EPB41L3: variants seen among roughly 807,000 people sequenced by gnomAD.
The protein encoded by EPB41L3 is band 4.1-like protein 3.
EPB41L3 carries 57 observed loss-of-function variants against 127.1 expected under a neutral mutation model. The ratio of observed to expected loss-of-function variants is 0.45; its 90% CI spans 0.36 to 0.56. The LOEUF (loss-of-function observed/expected upper bound fraction) is 0.56, where lower values mean the gene tolerates loss of function less well. EPB41L3 is among the 20% of genes least tolerant of loss of function. EPB41L3 has a pLI of 0.00. For missense variants in EPB41L3, 1,273 were observed against 1,372.2 expected, an observed-to-expected ratio of 0.93 and a Z score of 1.14; for synonymous variants, 572 against 549.5, an observed-to-expected ratio of 1.04 and a Z score of -0.57.
chr18:5,443,533 T>A (rs2081075682), intron 5 of EPB41L3, among the ~76,000 whole-genome samples: 1 of 152,258 alleles, frequency 6.6e-6, no homozygotes, highest in South Asian at 2.1e-4. Context: ...CATACTTTTG[T>A]GACTGTTGGA....
At chr18:5,400,672 A>G in intron 16 of EPB41L3, 1 of 481,678 alleles carries the variant, frequency 2.1e-6, no homozygotes, top group South Asian at 1.7e-5. Flanking sequence ...CTCTACAGGT[A>G]AAAACAGGCA....
At chr18:5,627,093 G>C (rs180731197) in intron 1 of EPB41L3, among the ~76,000 whole-genome samples, 4 of 152,114 alleles carry the variant, frequency 2.6e-5, no homozygotes, top group Non-Finnish European at 1.5e-5. Context: ...TTTACGCAGT[G>C]CTCCAGGAGA....
intron 3 of EPB41L3, among the ~76,000 whole-genome samples, chr18:5,468,979 A>C (rs1037205561): frequency 5.3e-5 from 8 of 152,136 alleles, no homozygotes; most frequent in Non-Finnish European, 1.0e-4. Flanking sequence ...AAAAAGAGGA[A>C]AAAGAGCTAC....
chr18:5,617,211 C>T (rs1259791797), intron 1 of EPB41L3, among the ~76,000 whole-genome samples: 1 of 152,016 alleles, frequency 6.6e-6, no homozygotes, highest in African/African-American at 2.4e-5. Context: ...CATTTAAATT[C>T]TCATAGTGTA....
At chr18:5,572,370 TC>T (rs1245797805) in intron 3 of EPB41L3, among the ~76,000 whole-genome samples, 1 of 152,202 alleles carries the variant, frequency 6.6e-6, no homozygotes, top group African/African-American at 2.4e-5. Flanking sequence ...TAATTTTGCT[TC>T]CCATATTTTC....
rs186093251 is a variant in EPB41L3 at position 5,610,886 on chromosome 18, A to G, written c.-306+1454T>C. ...GCATTGTTTTTTAATCTTACAAACC[A>G]TGATAATTGCTCTATCAGGGAAGAA... is the stretch of plus-strand genomic sequence containing the variant. On this transcript the variant is annotated intron_variant, in intron 3 of 21. Transcript: ENST00000545076. Among the ~76,000 whole-genome samples the G allele has an allele frequency of 2.2e-4, 33 of 152,346 alleles. No individual in the cohort carries two copies. The East Asian group carries it at 4.2e-3, about 20-fold the overall frequency.
chr18:5,538,994 G>GT (rs1568535153), intron 1 of EPB41L3, among the ~76,000 whole-genome samples: 1 of 128,628 alleles, frequency 7.8e-6, no homozygotes, highest in Non-Finnish European at 1.6e-5. Context: ...CTTTCTCCAA[G>GT]ATTTTTTTTT....
At chr18:5,598,041 G>C (rs1186085250) in intron 3 of EPB41L3, among the ~76,000 whole-genome samples, 1 of 152,152 alleles carries the variant, frequency 6.6e-6, no homozygotes, top group Non-Finnish European at 1.5e-5. Context: ...CTTCAGATCT[G>C]GGAAATAAAA....
intron 1 of EPB41L3, among the ~76,000 whole-genome samples, chr18:5,618,693 T>A (rs1270412173): frequency 6.6e-6 from 1 of 152,122 alleles, no homozygotes. Flanking sequence ...CGAAAGTCAA[T>A]GAAAAGTGGT....
At chr18:5,418,308 A>G (rs2144893937) in intron 12 of EPB41L3, among the ~76,000 whole-genome samples, 1 of 152,366 alleles carries the variant, frequency 6.6e-6, no homozygotes, top group African/African-American at 2.4e-5. Context: ...TACGTTTTAT[A>G]TAAACAAACT....
At chr18:5,408,299 A>G (rs1598551932) in intron 14 of EPB41L3, among the ~76,000 whole-genome samples, 1 of 138,792 alleles carries the variant, frequency 7.2e-6, no homozygotes, top group Non-Finnish European at 1.5e-5. Context: ...TTTGAGACAG[A>G]GTCTCGCTTT....
In EPB41L3 at chr18:5,564,471, A is replaced by T. The variant is rs545429384; in HGVS notation, c.-306+47869T>A. On this transcript the variant is annotated intron_variant, in intron 3 of 21. Transcript: ENST00000545076. The stretch of plus-strand genomic sequence containing the variant: ...TCTGAAGGATAAGACAGACTTGAGC[A>T]TAATCATAACTACAGGGAAAGGAAT... 6.1e-4 allele frequency among the ~76,000 whole-genome samples: 93 copies of T among 152,272 alleles called. 2 individuals are homozygous for T. Among genetic ancestry groups the T allele is most frequent in the Admixed American group, 3.7e-3 (57 of 15,290 alleles).
intron 3 of EPB41L3, among the ~76,000 whole-genome samples, chr18:5,609,496 G>C (rs2094701835): frequency 6.6e-6 from 1 of 152,126 alleles, no homozygotes; most frequent in Non-Finnish European, 1.5e-5. Context: ...ACCACGGAGG[G>C]TCCAGTACAT....
At chr18:5,562,684 G>A (rs538716437) in intron 3 of EPB41L3, among the ~76,000 whole-genome samples, 11 of 152,264 alleles carry the variant, frequency 7.2e-5, no homozygotes, top group Admixed American at 4.6e-4. Flanking sequence ...TGGAAGTATT[G>A]ACAATGATGA....
Position 5,499,521 on chromosome 18 carries a change from T to G in EPB41L3, c.-11-10327A>C, listed in dbSNP as rs1360556483. ...GCTCATACCTGTAATCCCAGCACTT[T>G]GAGGGGCCAATGTGGGTGGATCACG... On this transcript the variant is annotated intron_variant, in intron 1 of 22. Transcript: ENST00000341928. Among the ~76,000 whole-genome samples the G allele has an allele frequency of 3.3e-5, 5 of 152,068 alleles. No individual in the cohort carries two copies. The East Asian group carries it at 9.7e-4, about 29-fold the overall frequency.
intron 16 of EPB41L3, 143 bp from the exon 17 acceptor site, chr18:5,398,286 G>C: frequency 1.1e-6 from 1 of 923,192 alleles, no homozygotes; most frequent in Non-Finnish European, 1.6e-6. Flanking sequence ...GTTTGGAAAC[G>C]AAAAGAATGG....
At chr18:5,512,103 G>T (rs935688591) in intron 1 of EPB41L3, among the ~76,000 whole-genome samples, 20 of 152,308 alleles carry the variant, frequency 1.3e-4, no homozygotes, top group Non-Finnish European at 2.8e-4. Context: ...CCAGCTGCTT[G>T]TTCCTGTAAT....
chr18:5,554,392 G>A (rs998780215), intron 3 of EPB41L3, among the ~76,000 whole-genome samples: 1 of 152,160 alleles, frequency 6.6e-6, no homozygotes, highest in Non-Finnish European at 1.5e-5. Flanking sequence ...ATTATCAGAA[G>A]GATACAAGTA....
At chr18:5,625,124 TC>T (rs1344051161) in intron 1 of EPB41L3, among the ~76,000 whole-genome samples, 1 of 151,904 alleles carries the variant, frequency 6.6e-6, no homozygotes, top group East Asian at 1.9e-4. Context: ...TGAATACAAA[TC>T]AAAAGGAGTT....
Sources: allele counts gnomAD v4.1 joint callset (sites outside exome capture counted in the v4.1 genomes callset), GRCh38; gene constraint gnomAD v4.1.1; transcripts MANE v1.5; gene names NCBI Gene and HGNC (gene_info 2026-07-23, HGNC 2026-07-21).